The following LRBA variants were observed in gnomAD, a reference collection of about 807,000 sequenced individuals.
LRBA encodes LPS responsive beige-like anchor protein.
LRBA carries 176 observed loss-of-function variants against 330.0 expected under a neutral mutation model. The observed-to-expected ratio is 0.53, with a 90% confidence interval of 0.47 to 0.60. The LOEUF is 0.60. Among genes scored for constraint, LRBA ranks in the 20% least tolerant of loss-of-function variants. The pLI, the probability that LRBA is intolerant of heterozygous loss-of-function variation, is 0.00. For missense variants in LRBA, 3,259 were observed against 3,444.8 expected, an observed-to-expected ratio of 0.95 and a Z score of 1.35; for synonymous variants, 1,230 against 1,193.0, an observed-to-expected ratio of 1.03 and a Z score of -0.64.
chr4:150,397,866 G>A (rs1485436950), intron 47 of LRBA, among the ~76,000 whole-genome samples: 1 of 152,096 alleles, frequency 6.6e-6, no homozygotes, highest in African/African-American at 2.4e-5. Flanking sequence ...TCCATAAATG[G>A]CTTACAACAA....
chr4:150,777,133 C>G (rs1737489405), intron 34 of LRBA, among the ~76,000 whole-genome samples: 1 of 151,710 alleles, frequency 6.6e-6, no homozygotes, highest in Admixed American at 6.6e-5. Context: ...CTCACTCTCT[C>G]GCCCAGGCAA....
Position 150,870,515 on chromosome 4 carries a change from A to G in LRBA, c.2449+10T>C, listed in dbSNP as rs1348899565. 2 of 1,498,742 alleles carry G rather than the reference A, an allele frequency of 1.3e-6. No homozygotes were observed. The highest frequency in any genetic ancestry group is 1.1e-5 in the South Asian group (1 of 88,558). 92.8% of individuals were successfully genotyped at this position (1,498,742 alleles called of 1,614,324 possible). ...AAGGTAGTTTTTGTTAAAGTATATA[A>G]AATACATACGAGGGTTTTGTATCTT... is the stretch of plus-strand genomic sequence containing the variant. On this transcript the variant is annotated intron_variant, in intron 20 of 56. Transcript: ENST00000651943.
At chr4:150,845,387 G>A (rs1478328297) in intron 26 of LRBA, among the ~76,000 whole-genome samples, 1 of 152,166 alleles carries the variant, frequency 6.6e-6, no homozygotes, top group African/African-American at 2.4e-5. Flanking sequence ...AGACAGGAAA[G>A]GGAATTTGAT....
chr4:150,859,956 ATAATTCCAGTGGAATTTT>A (rs1032688430), intron 22 of LRBA, among the ~76,000 whole-genome samples: 1 of 152,220 alleles, frequency 6.6e-6, no homozygotes, highest in Non-Finnish European at 1.5e-5. Flanking sequence ...TTTTGTTCCA[ATAATTCCAGTGGAATTTT>A]TAATAGCTGC....
intron 4 of LRBA, among the ~76,000 whole-genome samples, chr4:150,924,803 C>T (rs148056547): frequency 2.6e-5 from 4 of 152,220 alleles, no homozygotes; most frequent in African/African-American, 7.2e-5. Flanking sequence ...CCTTTATCAT[C>T]TAAAACTATT....
Position 150,357,717 on chromosome 4 carries a change from T to A in LRBA, c.7195-7558A>T, listed in dbSNP as rs534157568. 4.7e-4 allele frequency among the ~76,000 whole-genome samples: 72 copies of A among 152,004 alleles called. 1 individual carries two copies. Among genetic ancestry groups the A allele is most frequent in the African/African-American group, 1.7e-3 (70 of 41,516 alleles). On this transcript the variant is annotated intron_variant, in intron 47 of 56. Coordinates refer to ENST00000651943, the MANE Select transcript of LRBA (RefSeq NM_001364905.1). ...TGGATGGGGAAAAATTATACCTATT[T>A]CTTTTATGTGTTTGCATTTTGCAAG...
intron 42 of LRBA, among the ~76,000 whole-genome samples, chr4:150,478,608 T>C (rs1342518758): frequency 2.0e-5 from 3 of 152,192 alleles, no homozygotes; most frequent in South Asian, 2.1e-4. Flanking sequence ...CTTATATAAA[T>C]AACACCCTCT....
At chr4:150,579,776 A>C (rs777746001) in intron 40 of LRBA, 16 of 453,994 alleles carry the variant, frequency 3.5e-5, no homozygotes, top group South Asian at 2.0e-4. Context: ...CGGCGGAGCC[A>C]TGCGAACCAA....
At position 150,592,144 on chromosome 4, in the gene LRBA, G is replaced by GTTTTTTTTTTTTTTTTTTT. The variant is rs10685627; in HGVS notation, c.6047-1304_6047-1286dup. ...TTGATATGGAAATCGGATGGCTAGGGTTTTTTTTTTTTTTTTTTTTTTTTT... is the reference window on the plus strand; with the variant it reads ...TTGATATGGAAATCGGATGGCTAGGGTTTTTTTTTTTTTTTTTTTTTTTTTTTTTTTTTTTTTTTTTTTT... On this transcript the variant is annotated intron_variant, in intron 38 of 56. Coordinates refer to ENST00000651943, the MANE Select transcript of LRBA (RefSeq NM_001364905.1). Among the ~76,000 whole-genome samples the GTTTTTTTTTTTTTTTTTTT allele has an allele frequency of 3.7e-4, 24 of 65,188 alleles. 4 individuals carry two copies. The highest frequency in any genetic ancestry group is 3.2e-3 in the East Asian group (5 of 1,558). 42.8% of individuals were successfully genotyped at this position (65,188 alleles called of 152,430 possible). A position where few individuals can be genotyped will look rare whatever the true frequency, so the allele number is the denominator to read the frequency against.
chr4:150,402,322 C>T (rs761130183), intron 47 of LRBA, among the ~76,000 whole-genome samples: 2 of 147,912 alleles, frequency 1.4e-5, no homozygotes, highest in African/African-American at 2.5e-5. Flanking sequence ...TTGCTACAAA[C>T]ATTTTATTTT....
intron 34 of LRBA, among the ~76,000 whole-genome samples, chr4:150,791,664 C>A (rs953131525): frequency 6.6e-6 from 1 of 152,132 alleles, no homozygotes; most frequent in African/African-American, 2.4e-5. Context: ...AGAATAATGG[C>A]CTCCTCAAAC....
chr4:150,579,685 G>C (rs1254805114), intron 40 of LRBA: 1 of 456,750 alleles, frequency 2.2e-6, no homozygotes. Context: ...GGAGTGTCCG[G>C]CGAGTGGTGG....
intron 5 of LRBA, among the ~76,000 whole-genome samples, chr4:150,918,120 C>T (rs994347196): frequency 1.3e-5 from 2 of 151,988 alleles, no homozygotes; most frequent in African/African-American, 2.4e-5. Context: ...ATACATTGGA[C>T]TTTATTAAAA....
At chr4:150,298,293 C>T (rs760590212) in intron 53 of LRBA, among the ~76,000 whole-genome samples, 8 of 152,024 alleles carry the variant, frequency 5.3e-5, no homozygotes, top group Non-Finnish European at 1.2e-4. Context: ...TATGATACTA[C>T]TTTTCTTACA....
chr4:150,896,563 A>C, intron 15 of LRBA, 107 bp from the exon 16 acceptor site: 1 of 586,260 alleles, frequency 1.7e-6, no homozygotes, highest in Non-Finnish European at 3.0e-6. Context: ...AAATATAAAA[A>C]TATAATGTAA....
At chr4:150,482,951 T>C (rs1757459235) in intron 42 of LRBA, among the ~76,000 whole-genome samples, 1 of 152,058 alleles carries the variant, frequency 6.6e-6, no homozygotes, top group Non-Finnish European at 1.5e-5. Flanking sequence ...ACAAATACTT[T>C]AATCCAGTCT....
At chr4:150,957,720 G>A (rs2149558518) in intron 2 of LRBA, among the ~76,000 whole-genome samples, 1 of 149,202 alleles carries the variant, frequency 6.7e-6, no homozygotes, top group South Asian at 2.1e-4. Flanking sequence ...TTACTGCCTG[G>A]ATACAATGGG....
chr4:150,721,351 T>C (rs1728903222), intron 36 of LRBA: 2 of 288,512 alleles, frequency 6.9e-6, no homozygotes, highest in Non-Finnish European at 6.7e-6. Flanking sequence ...TTACAATCAA[T>C]TGGGTGGAGA....
chr4:150,417,240 G>A (rs528612485), intron 46 of LRBA, among the ~76,000 whole-genome samples: 1 of 151,908 alleles, frequency 6.6e-6, no homozygotes, highest in Non-Finnish European at 1.5e-5. Flanking sequence ...TCTCTATACA[G>A]CAATTGTTAT....
Sources: allele counts gnomAD v4.1 joint callset (sites outside exome capture counted in the v4.1 genomes callset), GRCh38; gene constraint gnomAD v4.1.1; transcripts MANE v1.5; gene names NCBI Gene and HGNC (gene_info 2026-07-23, HGNC 2026-07-21).